Variants in CAPN14 observed in about 807,000 individuals in gnomAD.
CAPN14 encodes the protein calpain 14, also known as calpain-14.
Under a neutral mutation model 101.3 loss-of-function variants are expected in CAPN14, and 94 were observed. That is an observed-to-expected ratio of 0.93 (90% CI 0.79 to 1.10). CAPN14 has a LOEUF of 1.10. CAPN14 is among the 50% of genes least tolerant of loss of function. The pLI, the probability that CAPN14 is intolerant of heterozygous loss-of-function variation, is 0.00. For missense variants in CAPN14, 837 were observed against 828.4 expected (o/e 1.01, Z -0.13); for synonymous variants, 338 against 317.9 (o/e 1.06, Z -0.67).
Position 31,189,692 on chromosome 2 carries a change from C to T in CAPN14, c.1288-214G>A, listed in dbSNP as rs1342396349. On this transcript the variant is annotated intron_variant, in intron 12 of 21. Transcript: ENST00000403897. ...CTTTGCTGGAACCTATCAGGGGCTACATAAACACGTGTCATTTGATTTGAC... is the reference window on the plus strand; with the variant it reads ...CTTTGCTGGAACCTATCAGGGGCTATATAAACACGTGTCATTTGATTTGAC... 1.1e-5 allele frequency: 7 copies of T among 663,780 alleles called. No homozygotes were observed. The Admixed American group carries it at 1.4e-4, about 14-fold the overall frequency. The allele number at this position is 663,780 out of a possible 1,614,324, so 41.1% of individuals were successfully genotyped here. A position where few individuals can be genotyped will look rare whatever the true frequency, so the allele number is the denominator to read the frequency against.
intron 6 of CAPN14, 103 bp downstream of exon 6, chr2:31,200,347 TG>T: frequency 1.9e-6 from 2 of 1,041,602 alleles, no homozygotes; most frequent in Non-Finnish European, 2.8e-6. Flanking sequence ...CACTAGGAGC[TG>T]GGTGGAGGCC....
chr2:31,188,253 G>C lies in CAPN14; in HGVS notation c.1530+65C>G. ...CTCCCCTGACTCCTTAACTTGAAGG[G>C]AGAAACCCAACACCCTGGCTTGGAA... On this transcript the variant is annotated intron_variant, in intron 14 of 21. Coordinates refer to ENST00000403897, the MANE Select transcript of CAPN14 (RefSeq NM_001145122.2). 3 of 1,432,544 alleles carry C rather than the reference G, an allele frequency of 2.1e-6. No individual in the cohort carries two copies. The Admixed American group carries it at 5.9e-5, about 28-fold the overall frequency. The allele number at this position is 1,432,544 out of a possible 1,614,324, so 88.7% of individuals were successfully genotyped here.
chr2:31,182,359 A>C (rs1294449914), intron 16 of CAPN14, among the ~76,000 whole-genome samples: 1 of 149,344 alleles, frequency 6.7e-6, no homozygotes, highest in Non-Finnish European at 1.5e-5. Flanking sequence ...AGAAGGAAAT[A>C]AAGGGTATTC....
chr2:31,229,320 T>TA (rs1479593778), intron 1 of CAPN14, among the ~76,000 whole-genome samples: 5 of 152,148 alleles, frequency 3.3e-5, no homozygotes, highest in Admixed American at 2.0e-4. Context: ...TTAAGTTTTT[T>TA]AAAAATATAA....
At chr2:31,178,406 G>T (rs980060051) in intron 18 of CAPN14, 105 bp downstream of exon 18, 3 of 824,290 alleles carry the variant, frequency 3.6e-6, no homozygotes, top group African/African-American at 3.4e-5. Flanking sequence ...GGTTTGGTGA[G>T]GTGGATATAA....
chr2:31,191,473 G>C, intron 11 of CAPN14, 66 bp from the exon 12 acceptor site: 1 of 1,477,488 alleles, frequency 6.8e-7, no homozygotes, highest in Non-Finnish European at 9.1e-7. Context: ...ATTAAGCAGG[G>C]AATCTGGCTC....
intron 17 of CAPN14, among the ~76,000 whole-genome samples, chr2:31,179,387 A>G (rs1680481091): frequency 6.6e-6 from 1 of 152,160 alleles, no homozygotes. Flanking sequence ...ATGTCCCTAT[A>G]AAGGACATGA....
chr2:31,176,234 G>T (rs1267915664), intron 21 of CAPN14, among the ~76,000 whole-genome samples: 1 of 152,194 alleles, frequency 6.6e-6, no homozygotes, highest in African/African-American at 2.4e-5. Flanking sequence ...CCAACCCACA[G>T]ATACATGAGC....
chr2:31,224,117 G>A (rs1402607146), intron 2 of CAPN14, among the ~76,000 whole-genome samples: 1 of 152,132 alleles, frequency 6.6e-6, no homozygotes, highest in African/African-American at 2.4e-5. Context: ...AGCCTTTTGA[G>A]AAGAGACTGG....
chr2:31,215,417 C>T (rs1297055089), intron 1 of CAPN14, among the ~76,000 whole-genome samples: 5 of 152,190 alleles, frequency 3.3e-5, no homozygotes, highest in Admixed American at 1.3e-4. Flanking sequence ...CAAAACCACA[C>T]AGCTCATGGC....
chr2:31,212,085 A>C (rs886225257), intron 1 of CAPN14, among the ~76,000 whole-genome samples: 1 of 152,180 alleles, frequency 6.6e-6, no homozygotes, highest in African/African-American at 2.4e-5. Context: ...TGGGAGGCCA[A>C]GATCACTTGA....
intron 1 of CAPN14, among the ~76,000 whole-genome samples, chr2:31,232,208 C>T (rs560980323): frequency 7.1e-4 from 108 of 152,266 alleles, no homozygotes; most frequent in Non-Finnish European, 1.0e-3. Context: ...TCTCTGCCTC[C>T]CCTAATTAGT....
intron 12 of CAPN14, 130 bp downstream of exon 12, chr2:31,191,269 C>A: frequency 1.1e-6 from 1 of 906,072 alleles, no homozygotes; most frequent in Non-Finnish European, 1.7e-6. Context: ...GGCAGACATT[C>A]TCATCATCTG....
chr2:31,212,079 A>G (rs987102111), intron 1 of CAPN14, among the ~76,000 whole-genome samples: 8 of 152,164 alleles, frequency 5.3e-5, no homozygotes, highest in Admixed American at 4.6e-4. Flanking sequence ...GTACCTTGGG[A>G]GGCCAAGATC....
upstream of CAPN14, among the ~76,000 whole-genome samples, chr2:31,220,574 C>T (rs1052566126): frequency 6.6e-6 from 1 of 152,174 alleles, no homozygotes; most frequent in Non-Finnish European, 1.5e-5. Flanking sequence ...CCTGTAATCC[C>T]AACACTTTGG....
intron 1 of CAPN14, among the ~76,000 whole-genome samples, chr2:31,210,133 T>C (rs1240197017): frequency 1.3e-5 from 2 of 152,168 alleles, no homozygotes; most frequent in Non-Finnish European, 2.9e-5. Context: ...AAATGAATAC[T>C]GTATCTCTGC....
At chr2:31,210,041 G>A (rs910778249) in intron 1 of CAPN14, among the ~76,000 whole-genome samples, 1 of 152,198 alleles carries the variant, frequency 6.6e-6, no homozygotes, top group Non-Finnish European at 1.5e-5. Context: ...ATCTGTGAAG[G>A]CTTTACAAAG....
chr2:31,178,100 T>A (rs1680403658), intron 18 of CAPN14, among the ~76,000 whole-genome samples: 1 of 152,216 alleles, frequency 6.6e-6, no homozygotes, highest in Non-Finnish European at 1.5e-5. Flanking sequence ...GCAAGCACAT[T>A]ATCCACACTT....
intron 1 of CAPN14, among the ~76,000 whole-genome samples, chr2:31,213,410 C>T (rs1323779651): frequency 1.3e-5 from 2 of 152,234 alleles, no homozygotes; most frequent in Admixed American, 6.5e-5. Context: ...TGGCTGCTTT[C>T]GCATTACAAC....
Sources: gnomAD v4.1 joint callset for allele counts (sites outside exome capture counted in the v4.1 genomes callset) on GRCh38, gnomAD v4.1.1 for gene constraint, MANE v1.5 for transcripts, NCBI Gene and HGNC (gene_info 2026-07-23, HGNC 2026-07-21) for gene names.